SPATA7: variants seen among roughly 807,000 people sequenced by gnomAD.
SPATA7 encodes spermatogenesis-associated protein 7.
SPATA7 carries 43 observed loss-of-function variants against 51.8 expected under a neutral mutation model. The ratio of observed to expected loss-of-function variants is 0.83; its 90% CI spans 0.65 to 1.07. SPATA7 has a LOEUF of 1.07. Among genes scored for constraint, SPATA7 ranks in the 50% least tolerant of loss-of-function variants. The pLI, the probability that SPATA7 is intolerant of heterozygous loss-of-function variation, is 0.00. For missense variants in SPATA7, 683 were observed against 701.3 expected (o/e 0.97, Z 0.30); for synonymous variants, 230 against 252.8 (o/e 0.91, Z 0.86).
intron 3 of SPATA7, among the ~76,000 whole-genome samples, chr14:88,454,527 G>A (rs1010780305): frequency 7.2e-5 from 11 of 152,134 alleles, no homozygotes; most frequent in African/African-American, 2.7e-4. Flanking sequence ...TAAATTAGCT[G>A]GCTGTGGTGG....
chr14:88,403,211 A>G lies in SPATA7; in HGVS notation c.238+7008A>G, dbSNP rs2139912346. On this transcript the variant is annotated intron_variant, in intron 4 of 11. Coordinates refer to ENST00000393545, the MANE Select transcript of SPATA7 (RefSeq NM_018418.5). ...TGTGGAGGAAAGGGAACACTTGTGC[A>G]CTGTTGCTAGGAATGTAAGTTGGTA... Among the ~76,000 whole-genome samples, 2 of 152,304 alleles carry G rather than the reference A, an allele frequency of 1.3e-5. 1 individual carries two copies. The highest frequency in any genetic ancestry group is 4.1e-4 in the South Asian group (2 of 4,824).
At position 88,437,559 on chromosome 14, in the gene SPATA7, T is replaced by C. The variant is rs1442918938; in HGVS notation, c.1177T>C (p.Phe393Leu). The C allele has an allele frequency of 6.2e-7, 1 of 1,611,174 alleles. No individual in the cohort carries two copies. Among genetic ancestry groups the C allele is most frequent in the Non-Finnish European group, 8.5e-7 (1 of 1,178,176 alleles). Reference sequence around the variant, plus strand: ...CATTTGTAGGTTTTTAGAACGACTGTTCGAGCGACATATAAAACAAAATAA... The same window carrying C: ...CATTTGTAGGTTTTTAGAACGACTGCTCGAGCGACATATAAAACAAAATAA... Reference protein sequence around the residue: ...LFSNRFLERLFERHIKQNKHL... With the variant: ...LFSNRFLERLLERHIKQNKHL... Residue 393 changes from phenylalanine (F) to leucine (L), a missense_variant, in exon 11 of 12, where the codon TTC (phenylalanine) becomes CTC (leucine). By Grantham distance (22) the Phe-to-Leu change is conservative. Transcript: ENST00000393545.
At chr14:88,467,177 ACT>A (rs1201685616) in intron 4 of SPATA7, 3 of 150,968 alleles carry the variant, frequency 2.0e-5, no homozygotes, top group East Asian at 3.9e-4. Context: ...CATCTTACAT[ACT>A]CTTAGTCCTT....
At position 88,388,243 on chromosome 14, in the gene SPATA7, T is replaced by C. The variant is rs576448266; in HGVS notation, c.19+2406T>C. On this transcript the variant is annotated intron_variant, in intron 1 of 11. Transcript: ENST00000393545. ...TGATCTGTTGGTCTCATAGAGACACTTATCAATGGTAGATTTCCAAACCTT... is the reference window on the plus strand; with the variant it reads ...TGATCTGTTGGTCTCATAGAGACACCTATCAATGGTAGATTTCCAAACCTT... Among the ~76,000 whole-genome samples the C allele has an allele frequency of 2.0e-5, 3 of 152,302 alleles. No individual in the cohort carries two copies. In the South Asian group the frequency reaches 6.2e-4, roughly 32 times the overall value.
intron 4 of SPATA7, chr14:88,468,272 TGAGA>T (rs1566803287): frequency 3.8e-6 from 6 of 1,590,166 alleles, no homozygotes; most frequent in East Asian, 4.5e-5. Context: ...GCACCTAGGT[TGAGA>T]GAAACGGTAA....
At chr14:88,402,452 G>A (rs2076087341) in intron 4 of SPATA7, among the ~76,000 whole-genome samples, 1 of 151,838 alleles carries the variant, frequency 6.6e-6, no homozygotes, top group African/African-American at 2.4e-5. Context: ...ACACATACCA[G>A]ACCAATGGAA....
At chr14:88,466,281 TG>T (rs2077362059) in intron 4 of SPATA7, 1 of 152,208 alleles carries the variant, frequency 6.6e-6, no homozygotes. Context: ...AAAATAAAAA[TG>T]TAAAATTTTA....
intron 4 of SPATA7, chr14:88,416,381 G>T: frequency 4.7e-6 from 1 of 212,672 alleles, no homozygotes; most frequent in Non-Finnish European, 9.1e-6. Context: ...CCTTAGGCTT[G>T]GCCAGTTTGT....
At chr14:88,392,749 A>G (rs117698040) in intron 2 of SPATA7, among the ~76,000 whole-genome samples, 1,668 of 152,284 alleles carry the variant, frequency 0.011, 16 homozygotes, top group Middle Eastern at 0.027. Flanking sequence ...TTTAATGTTT[A>G]AAAAAGCTTT....
chr14:88,429,380 A>G lies in SPATA7; in HGVS notation c.945A>G (p.Glu315=). Reference sequence around the variant, plus strand: ...ATTGTGTGACATATGATGCCAAAGAAAAAATAGCTCCTTTACCTTTAGAAG... The same window carrying G: ...ATTGTGTGACATATGATGCCAAAGAGAAAATAGCTCCTTTACCTTTAGAAG... ...ASNCVTYDAK[E]KIAPLPLEGH... Residue 315 remains glutamate, a synonymous_variant, in exon 8 of 12, where the codon GAA becomes GAG. Coordinates refer to ENST00000393545, the MANE Select transcript of SPATA7 (RefSeq NM_018418.5). 6.2e-7 allele frequency: 1 copy of G among 1,612,554 alleles called. No homozygotes were observed. The highest frequency in any genetic ancestry group is 8.5e-7 in the Non-Finnish European group (1 of 1,178,836).
chr14:88,467,760 C>T (rs1002323192), intron 4 of SPATA7: 1 of 180,136 alleles, frequency 5.6e-6, no homozygotes, highest in African/African-American at 2.4e-5. Context: ...ACTCCATTAT[C>T]AAAAATTAGT....
chr14:88,465,003 G>C (rs2077346863), intron 4 of SPATA7, among the ~76,000 whole-genome samples: 2 of 152,130 alleles, frequency 1.3e-5, no homozygotes, highest in African/African-American at 4.8e-5. Context: ...TCCTCCTCCT[G>C]TTTCTGGCTA....
intron 4 of SPATA7, among the ~76,000 whole-genome samples, chr14:88,411,125 G>A (rs2076330107): frequency 6.6e-6 from 1 of 152,182 alleles, no homozygotes. Context: ...TGGCGCTGTG[G>A]TGGGCTCCGC....
chr14:88,402,048 AC>A (rs1488149119), intron 4 of SPATA7, among the ~76,000 whole-genome samples: 2 of 152,168 alleles, frequency 1.3e-5, no homozygotes, highest in Non-Finnish European at 2.9e-5. Flanking sequence ...GCCATTTGCA[AC>A]AGCAACAGAA....
intron 9 of SPATA7, among the ~76,000 whole-genome samples, chr14:88,431,601 T>G (rs1311259179): frequency 6.6e-6 from 1 of 152,178 alleles, no homozygotes; most frequent in Non-Finnish European, 1.5e-5. Flanking sequence ...AAATCTCAGC[T>G]TGTCCCTCAT....
At chr14:88,464,013 G>C (rs1338497763) in intron 4 of SPATA7, among the ~76,000 whole-genome samples, 4 of 151,856 alleles carry the variant, frequency 2.6e-5, no homozygotes, top group African/African-American at 7.3e-5. Flanking sequence ...GCTAAGTTTT[G>C]TATTTTTAGT....
At chr14:88,446,729 G>A (rs901964770) in intron 3 of SPATA7, among the ~76,000 whole-genome samples, 14 of 152,102 alleles carry the variant, frequency 9.2e-5, no homozygotes, top group South Asian at 6.2e-4. Context: ...TTCTGCCTTC[G>A]TTTTGTTATG....
intron 3 of SPATA7, among the ~76,000 whole-genome samples, chr14:88,445,228 T>C (rs904476176): frequency 1.4e-4 from 21 of 150,160 alleles, no homozygotes; most frequent in Non-Finnish European, 1.8e-4. Context: ...TTCCTAGGTA[T>C]TTTATTCTCT....
Position 88,469,467 on chromosome 14 carries a change from G to C in SPATA7, c.255-380G>C, listed in dbSNP as rs777466942. On this transcript the variant is annotated intron_variant, in intron 4 of 4. Transcript: ENST00000556406. This position sits in a 1 kb window ranked among gnomAD's most constrained non-coding sequence, Gnocchi z 4.3. ...TCTCTGTTTAACACCTCCAGAGGCA[G>C]CTGTCCTCGGAACAAAGTTAAAGTC... 2 of 1,534,476 alleles carry C rather than the reference G, an allele frequency of 1.3e-6. No homozygotes were observed. The highest frequency in any genetic ancestry group is 1.4e-5 in the African/African-American group (1 of 73,236).
Sources: allele counts gnomAD v4.1 joint callset (sites outside exome capture counted in the v4.1 genomes callset), GRCh38; gene constraint gnomAD v4.1.1; non-coding constraint Gnocchi (gnomAD v3.1); transcripts MANE v1.5; gene names NCBI Gene and HGNC (gene_info 2026-07-23, HGNC 2026-07-21).